The following GMDS variants were observed in gnomAD, a reference collection of about 807,000 sequenced individuals.
GMDS encodes GDP-mannose 4,6 dehydratase.
Under a neutral mutation model 49.9 loss-of-function variants are expected in GMDS, and 20 were observed. That is an observed-to-expected ratio of 0.40 (90% CI 0.28 to 0.58). The LOEUF is 0.58. Among genes scored for constraint, GMDS ranks in the 20% least tolerant of loss-of-function variants. The pLI is 0.42. For missense variants in GMDS, 362 were observed against 481.4 expected (o/e 0.75, Z 2.32); for synonymous variants, 177 against 178.6 (o/e 0.99, Z 0.07).
At chr6:1,994,440 C>T in intron 4 of GMDS, among the ~76,000 whole-genome samples, 1 of 152,104 alleles carries the variant, frequency 6.6e-6, no homozygotes, top group East Asian at 1.9e-4. Flanking sequence ...TTAATTTTCA[C>T]AAAGCATCAA....
intron 1 of GMDS, among the ~76,000 whole-genome samples, chr6:2,201,994 G>A (rs1360569798): frequency 7.4e-6 from 1 of 136,012 alleles, no homozygotes; most frequent in African/African-American, 2.8e-5. Context: ...GAGAGGTGAA[G>A]GATGAAGAGA....
At chr6:1,946,598 A>G (rs912204288) in intron 6 of GMDS, among the ~76,000 whole-genome samples, 1 of 152,228 alleles carries the variant, frequency 6.6e-6, no homozygotes, top group Non-Finnish European at 1.5e-5. Flanking sequence ...ACACTTCTCA[A>G]TAAGAATTTG....
At chr6:1,945,755 A>C (rs891283486) in intron 6 of GMDS, among the ~76,000 whole-genome samples, 4 of 152,198 alleles carry the variant, frequency 2.6e-5, no homozygotes, top group African/African-American at 4.8e-5. Flanking sequence ...TAAACAACAA[A>C]CACCACCAAC....
intron 7 of GMDS, among the ~76,000 whole-genome samples, chr6:1,780,213 T>G (rs561647437): frequency 4.9e-4 from 74 of 152,352 alleles, no homozygotes; most frequent in African/African-American, 1.7e-3. Flanking sequence ...AGTTTTGTTT[T>G]CTAAATAATG....
intron 4 of GMDS, among the ~76,000 whole-genome samples, chr6:2,002,149 T>G (rs1188345380): frequency 6.6e-6 from 1 of 152,246 alleles, no homozygotes; most frequent in Non-Finnish European, 1.5e-5. Flanking sequence ...AGTTCTGGAA[T>G]CACATTTCCT....
intron 8 of GMDS, among the ~76,000 whole-genome samples, chr6:1,732,100 T>C (rs935905067): frequency 6.6e-6 from 1 of 152,096 alleles, no homozygotes; most frequent in Admixed American, 6.5e-5. Context: ...GGCCGAGGCA[T>C]GTGGATCACA....
chr6:2,025,853 A>G (rs1225035374), intron 4 of GMDS, among the ~76,000 whole-genome samples: 1 of 152,170 alleles, frequency 6.6e-6, no homozygotes, highest in Non-Finnish European at 1.5e-5. Context: ...AATTGCCTGA[A>G]TAATCAGCTC....
At chr6:1,702,252 C>A (rs769218649) in intron 9 of GMDS, among the ~76,000 whole-genome samples, 1 of 152,160 alleles carries the variant, frequency 6.6e-6, no homozygotes, top group Non-Finnish European at 1.5e-5. Flanking sequence ...GAATTACAGA[C>A]GTTTAGAGTG....
At chr6:1,869,335 AGG>A (rs1758605830) in intron 7 of GMDS, among the ~76,000 whole-genome samples, 1 of 152,184 alleles carries the variant, frequency 6.6e-6, no homozygotes, top group Non-Finnish European at 1.5e-5. Context: ...CGTAAGTCAC[AGG>A]CAGGCCACAA....
intron 7 of GMDS, among the ~76,000 whole-genome samples, chr6:1,913,297 C>T (rs909313487): frequency 6.8e-6 from 1 of 147,180 alleles, no homozygotes; most frequent in Non-Finnish European, 1.5e-5. Flanking sequence ...AGGAGAATGG[C>T]GTGAACCCGG....
chr6:1,856,517 C>A (rs1757943649), intron 7 of GMDS, among the ~76,000 whole-genome samples: 1 of 152,372 alleles, frequency 6.6e-6, no homozygotes, highest in Admixed American at 6.5e-5. Flanking sequence ...GCCCAATTTG[C>A]ATTTTAATAG....
chr6:1,643,988 C>G (rs151191469), intron 9 of GMDS, among the ~76,000 whole-genome samples: 2 of 152,098 alleles, frequency 1.3e-5, no homozygotes, highest in African/African-American at 4.8e-5. Flanking sequence ...CCAGGGCGGA[C>G]GGCCCTTACC....
chr6:2,117,031 GTTTTGATT>G (rs1405037414), intron 3 of GMDS, among the ~76,000 whole-genome samples: 2 of 152,152 alleles, frequency 1.3e-5, no homozygotes, highest in Non-Finnish European at 2.9e-5. Context: ...ATTTAGAACA[GTTTTGATT>G]GCCATTTATT....
intron 9 of GMDS, among the ~76,000 whole-genome samples, chr6:1,714,520 A>C (rs1766102301): frequency 6.6e-6 from 1 of 152,184 alleles, no homozygotes; most frequent in Non-Finnish European, 1.5e-5. Context: ...ATGGCCATTC[A>C]CTGAGTAGAA....
chr6:1,709,126 A>G (rs1349435554), intron 9 of GMDS, among the ~76,000 whole-genome samples: 1 of 152,206 alleles, frequency 6.6e-6, no homozygotes, highest in Non-Finnish European at 1.5e-5. Flanking sequence ...TGGTTTATAG[A>G]TTCAGACCAT....
intron 8 of GMDS, among the ~76,000 whole-genome samples, chr6:1,730,287 G>C (rs928305986): frequency 2.6e-5 from 4 of 152,132 alleles, no homozygotes; most frequent in Admixed American, 2.0e-4. Context: ...ACTCACATGA[G>C]CTAAGAGGGC....
At chr6:1,974,759 G>A (rs188032527) in intron 4 of GMDS, among the ~76,000 whole-genome samples, 19 of 152,060 alleles carry the variant, frequency 1.2e-4, no homozygotes, top group Admixed American at 3.3e-4. Flanking sequence ...GGCTGGGCAC[G>A]GTGGCTCATG....
intron 7 of GMDS, among the ~76,000 whole-genome samples, chr6:1,920,985 T>C (rs776427880): frequency 6.6e-6 from 1 of 152,222 alleles, no homozygotes; most frequent in Non-Finnish European, 1.5e-5. Context: ...TGATCTGCAA[T>C]GGTATAATGA....
intron 7 of GMDS, among the ~76,000 whole-genome samples, chr6:1,835,567 G>C (rs947877249): frequency 6.6e-6 from 1 of 152,026 alleles, no homozygotes; most frequent in Non-Finnish European, 1.5e-5. Flanking sequence ...TACTAAATTA[G>C]ATTTATGTCT....
Sources: allele counts gnomAD v4.1 joint callset (sites outside exome capture counted in the v4.1 genomes callset), GRCh38; gene constraint gnomAD v4.1.1; transcripts MANE v1.5; gene names NCBI Gene and HGNC (gene_info 2026-07-23, HGNC 2026-07-21).